Variants in PRKCA observed in about 807,000 individuals in gnomAD.
The protein encoded by PRKCA is protein kinase C alpha.
Under a neutral mutation model 87.0 loss-of-function variants are expected in PRKCA, and 27 were observed. The ratio of observed to expected loss-of-function variants is 0.31; its 90% CI spans 0.23 to 0.43. PRKCA has a LOEUF of 0.43. Ranked by LOEUF, PRKCA falls within the 20% of genes least tolerant of loss-of-function variation. PRKCA has a pLI of 1.00. For synonymous variants in PRKCA, 329 were observed against 311.1 expected (o/e 1.06, Z -0.61); for missense variants, 518 against 852.3 (o/e 0.61, Z 4.88).
chr17:66,493,305 G>T (rs12326031), intron 2 of PRKCA, among the ~76,000 whole-genome samples: 5 of 126,504 alleles, frequency 4.0e-5, no homozygotes, highest in South Asian at 2.5e-4. Context: ...ATTTGTGTGT[G>T]TGTGTGTGTG....
intron 2 of PRKCA, among the ~76,000 whole-genome samples, chr17:66,491,428 T>TCTTCCATGACACGTCTCCA (rs1433939990): frequency 1.3e-5 from 2 of 152,224 alleles, no homozygotes; most frequent in African/African-American, 4.8e-5. Context: ...TCAGATGGAA[T>TCTTCCATGACACGTCTCCA]CTTCCATGAC....
rs1971251411 is a variant in PRKCA at position 66,640,109 on chromosome 17, A to G, written c.289-1246A>G. On this transcript the variant is annotated intron_variant, in intron 3 of 16. Coordinates refer to ENST00000413366, the MANE Select transcript of PRKCA (RefSeq NM_002737.3). ...CTACCCTGTGATACGGCACTCTTCTAAGCATTTTACAAAGACTGACTCGTT... is the reference window on the plus strand; with the variant it reads ...CTACCCTGTGATACGGCACTCTTCTGAGCATTTTACAAAGACTGACTCGTT... 3.9e-5 allele frequency among the ~76,000 whole-genome samples: 6 copies of G among 152,284 alleles called. No homozygotes were observed. In the South Asian group the frequency reaches 1.2e-3, roughly 32 times the overall value.
rs549224986 is a variant in PRKCA, at chr17:66,429,185, A to G, written c.206-67016A>G. 3.9e-4 allele frequency among the ~76,000 whole-genome samples: 59 copies of G among 152,190 alleles called. No homozygotes were observed. In the South Asian group the frequency reaches 0.012, roughly 30 times the overall value. ...CTTGGTATCTAGTAGATGCTTCATA[A>G]ATATGTGTTAAATAAATGTGCTTTA... is the stretch of plus-strand genomic sequence containing the variant. On this transcript the variant is annotated intron_variant, in intron 2 of 16. Transcript: ENST00000413366.
rs570143933 is a variant in PRKCA, at chr17:66,581,629, C to T, written c.289-59726C>T. Among the ~76,000 whole-genome samples, 5 of 152,242 alleles carry T rather than the reference C, an allele frequency of 3.3e-5. No individual in the cohort carries two copies. In the South Asian group the frequency reaches 1.0e-3, roughly 32 times the overall value. ...TAGCTGGGACTACAGGCACCCGCCA[C>T]CACGCCTGGCTAATTTTTTGTATTT... On this transcript the variant is annotated intron_variant, in intron 3 of 16. Transcript: ENST00000413366.
chr17:66,472,437 G>A lies in PRKCA; in HGVS notation c.206-23764G>A, dbSNP rs747948893. Among the ~76,000 whole-genome samples the A allele has an allele frequency of 7.9e-5, 12 of 152,306 alleles. No homozygotes were observed. The East Asian group carries it at 2.1e-3, about 27-fold the overall frequency. On this transcript the variant is annotated intron_variant, in intron 2 of 16. Transcript: ENST00000413366. Reference sequence around the variant, plus strand: ...CTCGTTGATGGTAGTGGTGGAAATTGTCTCAGTCATTACTTACAGCCTGTG... The same window carrying A: ...CTCGTTGATGGTAGTGGTGGAAATTATCTCAGTCATTACTTACAGCCTGTG...
chr17:66,657,327 G>C (rs986338820), intron 5 of PRKCA, among the ~76,000 whole-genome samples: 3 of 152,210 alleles, frequency 2.0e-5, no homozygotes, highest in East Asian at 3.8e-4. Context: ...GAATAAAGAA[G>C]AGAGAATAGA....
At chr17:66,323,250 C>T (rs1340168216) in intron 2 of PRKCA, among the ~76,000 whole-genome samples, 6 of 152,196 alleles carry the variant, frequency 3.9e-5, no homozygotes, top group East Asian at 1.9e-4. Flanking sequence ...TACCACATTC[C>T]TTTGTATTTT....
At chr17:66,529,412 A>G (rs1967462201) in intron 3 of PRKCA, among the ~76,000 whole-genome samples, 1 of 152,122 alleles carries the variant, frequency 6.6e-6, no homozygotes, top group African/African-American at 2.4e-5. Flanking sequence ...GTGACCTTGC[A>G]GAGCCTTGTT....
chr17:66,648,169 C>T (rs1971501605), intron 5 of PRKCA, among the ~76,000 whole-genome samples: 1 of 152,150 alleles, frequency 6.6e-6, no homozygotes. Context: ...GTGCAAGGAG[C>T]GAACTTGCTC....
intron 2 of PRKCA, among the ~76,000 whole-genome samples, chr17:66,335,048 G>A (rs1015234615): frequency 3.3e-5 from 5 of 152,162 alleles, no homozygotes; most frequent in Non-Finnish European, 7.3e-5. Flanking sequence ...TACATTTCAT[G>A]TATAACTTCT....
intron 2 of PRKCA, among the ~76,000 whole-genome samples, chr17:66,351,024 C>G (rs968641459): frequency 2.0e-5 from 3 of 152,210 alleles, no homozygotes; most frequent in Non-Finnish European, 4.4e-5. Context: ...TGTCTGTGTG[C>G]CAGTTTCCTC....
chr17:66,664,114 C>A (rs372878458), intron 5 of PRKCA, among the ~76,000 whole-genome samples: 2 of 152,132 alleles, frequency 1.3e-5, no homozygotes, highest in Non-Finnish European at 2.9e-5. Flanking sequence ...GTGATCCACC[C>A]GCCTCGGGCT....
chr17:66,324,133 G>GT (rs1226722768), intron 2 of PRKCA, among the ~76,000 whole-genome samples: 2 of 152,056 alleles, frequency 1.3e-5, no homozygotes, highest in Non-Finnish European at 1.5e-5. Flanking sequence ...GTGTGTTCCT[G>GT]TTTGAAGAAG....
chr17:66,475,585 T>G (rs969929746), intron 2 of PRKCA, among the ~76,000 whole-genome samples: 1 of 152,196 alleles, frequency 6.6e-6, no homozygotes, highest in African/African-American at 2.4e-5. Context: ...TTGCCTTGTG[T>G]GAGTTCGGCA....
intron 3 of PRKCA, among the ~76,000 whole-genome samples, chr17:66,497,377 T>C (rs1222487980): frequency 3.3e-5 from 5 of 151,716 alleles, no homozygotes; most frequent in Admixed American, 3.3e-4. Flanking sequence ...CATCCTGAGA[T>C]CCTAGCTCCT....
intron 1 of PRKCA, 31 bp from the exon 2 acceptor site, chr17:66,306,065 A>C (rs776040860): frequency 6.2e-7 from 1 of 1,607,690 alleles, no homozygotes; most frequent in Non-Finnish European, 8.5e-7. Context: ...AAAATATGTT[A>C]AGATATTTTG....
At chr17:66,391,002 C>G (rs1197102181) in intron 2 of PRKCA, among the ~76,000 whole-genome samples, 1 of 152,194 alleles carries the variant, frequency 6.6e-6, no homozygotes, top group African/African-American at 2.4e-5. Flanking sequence ...CAGTCCACTG[C>G]TGGTGTAAAG....
intron 8 of PRKCA, among the ~76,000 whole-genome samples, chr17:66,723,809 G>A (rs1177925310): frequency 6.6e-6 from 1 of 152,146 alleles, no homozygotes; most frequent in African/African-American, 2.4e-5. Flanking sequence ...AAGGAACCGG[G>A]GGCTCAGAGA....
At chr17:66,782,589 C>T (rs1440944147) in intron 14 of PRKCA, among the ~76,000 whole-genome samples, 2 of 152,202 alleles carry the variant, frequency 1.3e-5, no homozygotes, top group African/African-American at 2.4e-5. Context: ...AGGCCAGTCG[C>T]TCTCTACGGG....
Sources: gnomAD v4.1 joint callset for allele counts (sites outside exome capture counted in the v4.1 genomes callset) on GRCh38, gnomAD v4.1.1 for gene constraint, MANE v1.5 for transcripts, NCBI Gene and HGNC (gene_info 2026-07-23, HGNC 2026-07-21) for gene names.